PCDH9: variants seen among roughly 807,000 people sequenced by gnomAD.
PCDH9 encodes the protein protocadherin 9.
In PCDH9, 24 loss-of-function variants were observed where a neutral mutation model predicts 70.6. The ratio of observed to expected loss-of-function variants is 0.34; its 90% CI spans 0.25 to 0.48. PCDH9 has a LOEUF of 0.48. Ranked by LOEUF, PCDH9 falls within the 20% of genes least tolerant of loss-of-function variation. PCDH9 has a pLI of 0.99. For synonymous variants in PCDH9, 562 were observed against 558.5 expected (o/e 1.01, Z -0.09); for missense variants, 1,281 against 1,503.6 (o/e 0.85, Z 2.45).
At chr13:66,463,019 A>G (rs1023092636) in intron 4 of PCDH9, among the ~76,000 whole-genome samples, 3 of 151,908 alleles carry the variant, frequency 2.0e-5, no homozygotes, top group Non-Finnish European at 4.4e-5. Context: ...TATGCATTGC[A>G]TGATGTGTGC....
intron 3 of PCDH9, among the ~76,000 whole-genome samples, chr13:66,855,185 T>C (rs1456281830): frequency 4.6e-5 from 7 of 152,122 alleles, no homozygotes; most frequent in Non-Finnish European, 1.5e-5. Flanking sequence ...AGATGACTTG[T>C]CTGTGCCCTT....
chr13:66,974,389 T>G (rs1409361466), intron 2 of PCDH9, among the ~76,000 whole-genome samples: 1 of 151,762 alleles, frequency 6.6e-6, no homozygotes, highest in Non-Finnish European at 1.5e-5. Flanking sequence ...CTTTTCAGAG[T>G]CACTCTAATG....
chr13:66,542,063 A>G (rs948009543), intron 4 of PCDH9, among the ~76,000 whole-genome samples: 10 of 152,304 alleles, frequency 6.6e-5, no homozygotes, highest in Admixed American at 1.3e-4. Context: ...GCCTTGGGAG[A>G]TCTGTGTAAA....
chr13:67,018,076 G>T (rs1479086745), intron 2 of PCDH9, among the ~76,000 whole-genome samples: 1 of 152,106 alleles, frequency 6.6e-6, no homozygotes, highest in African/African-American at 2.4e-5. Context: ...TCAGTAACAT[G>T]CAATATATTT....
At chr13:66,828,810 A>AAAAAAAAAAAAAATAAT (rs71207607) in intron 3 of PCDH9, among the ~76,000 whole-genome samples, 18 of 148,608 alleles carry the variant, frequency 1.2e-4, no homozygotes, top group African/African-American at 4.2e-4. Flanking sequence ...GCCATACATA[A>AAAAAAAAAAAAAATAAT]AATAATAATA....
At chr13:66,908,670 T>C (rs552354648) in intron 2 of PCDH9, among the ~76,000 whole-genome samples, 8 of 152,346 alleles carry the variant, frequency 5.3e-5, no homozygotes, top group Non-Finnish European at 8.8e-5. Flanking sequence ...GATCATTTAG[T>C]ATCCTGAAAT....
At chr13:66,610,091 A>G (rs566203831) in intron 4 of PCDH9, among the ~76,000 whole-genome samples, 1 of 151,054 alleles carries the variant, frequency 6.6e-6, no homozygotes, top group Admixed American at 6.6e-5. Flanking sequence ...CTTCTTATTT[A>G]ATAACAATAG....
At chr13:66,724,645 C>T (rs768885676) in intron 3 of PCDH9, among the ~76,000 whole-genome samples, 13 of 152,248 alleles carry the variant, frequency 8.5e-5, no homozygotes, top group African/African-American at 1.4e-4. Context: ...CTTATTTTGG[C>T]GCCCTACTCC....
chr13:66,776,942 A>G (rs2079905041), intron 3 of PCDH9, among the ~76,000 whole-genome samples: 1 of 150,040 alleles, frequency 6.7e-6, no homozygotes, highest in Non-Finnish European at 1.5e-5. Context: ...ATAGAGATCA[A>G]TGGAACAGTA....
intron 3 of PCDH9, among the ~76,000 whole-genome samples, chr13:66,761,754 G>A (rs1038402203): frequency 3.3e-5 from 5 of 151,728 alleles, no homozygotes; most frequent in East Asian, 3.9e-4. Context: ...TTTCTAGTTC[G>A]GATAACATTG....
chr13:66,350,421 C>T (rs982105439), intron 4 of PCDH9, among the ~76,000 whole-genome samples: 6 of 152,120 alleles, frequency 3.9e-5, no homozygotes, highest in African/African-American at 1.4e-4. Context: ...ACATCACTGC[C>T]CACTCCTTCT....
chr13:66,372,281 G>T (rs746519580), intron 4 of PCDH9, among the ~76,000 whole-genome samples: 7 of 151,886 alleles, frequency 4.6e-5, no homozygotes, highest in Non-Finnish European at 8.8e-5. Flanking sequence ...AGTGATACCA[G>T]AGTTCTAGTT....
At chr13:67,074,893 C>G (rs2085847320) in intron 2 of PCDH9, among the ~76,000 whole-genome samples, 1 of 152,104 alleles carries the variant, frequency 6.6e-6, no homozygotes, top group South Asian at 2.1e-4. Context: ...TTTATTCTTA[C>G]ACTTGAGAAT....
chr13:66,695,154 C>A (rs556507874), intron 3 of PCDH9, among the ~76,000 whole-genome samples: 55 of 152,198 alleles, frequency 3.6e-4, no homozygotes, highest in Non-Finnish European at 1.0e-4. Context: ...CCTCCCGCCT[C>A]AGCCTCCCAA....
intron 4 of PCDH9, among the ~76,000 whole-genome samples, chr13:66,521,871 T>C (rs912591524): frequency 6.6e-6 from 1 of 151,978 alleles, no homozygotes; most frequent in African/African-American, 2.4e-5. Context: ...TTTTAATACA[T>C]GATTCTGTTT....
At chr13:66,838,158 CT>C (rs1353232577) in intron 3 of PCDH9, among the ~76,000 whole-genome samples, 1 of 151,514 alleles carries the variant, frequency 6.6e-6, no homozygotes, top group Non-Finnish European at 1.5e-5. Context: ...ATATTTTTTT[CT>C]CCCCTTTATT....
At chr13:66,779,823 C>CTCTCTA (rs1466529835) in intron 3 of PCDH9, among the ~76,000 whole-genome samples, 43 of 24,772 alleles carry the variant, frequency 1.7e-3, no homozygotes, top group African/African-American at 4.0e-3. Context: ...CCATCTCTCT[C>CTCTCTA]TCTCTCTCTC....
chr13:67,227,729 G>T lies in PCDH9; in HGVS notation c.712C>A (p.Leu238Met). Residue 238 changes from leucine (L) to methionine (M), a missense_variant, in exon 2 of 5, where the codon CTG becomes ATG. This residue lies in a region of PCDH9 where 798 missense variants were observed against 1,003.1 expected (regional missense o/e 0.80). Coordinates refer to ENST00000377865, the MANE Select transcript of PCDH9 (RefSeq NM_203487.3). This position sits in a 1 kb window ranked among gnomAD's most constrained non-coding sequence, Gnocchi z 4.6. ...TTTACATCACTTACTGTGACCTGCA[G>T]TATGGCCGTACTGGATTTCTGTGGA... Reference protein sequence around the residue: ...GTPQKSSTAILQVTVSDVNDN... With the variant: ...GTPQKSSTAIMQVTVSDVNDN... The T allele has an allele frequency of 6.2e-7, 1 of 1,614,020 alleles. No individual in the cohort carries two copies. The highest frequency in any genetic ancestry group is 8.5e-7 in the Non-Finnish European group (1 of 1,179,860).
intron 2 of PCDH9, among the ~76,000 whole-genome samples, chr13:67,152,064 TC>T (rs1458873678): frequency 6.6e-6 from 1 of 152,232 alleles, no homozygotes; most frequent in African/African-American, 2.4e-5. Flanking sequence ...CCAAATTGTA[TC>T]TTCTTATAGC....
Sources: gnomAD v4.1 joint callset for allele counts (sites outside exome capture counted in the v4.1 genomes callset) on GRCh38, gnomAD v4.1.1 for gene constraint, gnomAD v4.1.1 regional missense constraint, Gnocchi (gnomAD v3.1) non-coding constraint, MANE v1.5 for transcripts, NCBI Gene and HGNC (gene_info 2026-07-23, HGNC 2026-07-21) for gene names.